The following VPS50 variants were observed in gnomAD, a reference collection of about 807,000 sequenced individuals.
VPS50 encodes syndetin.
VPS50 carries 70 observed loss-of-function variants against 139.7 expected under a neutral mutation model. That is an observed-to-expected ratio of 0.50 (90% CI 0.41 to 0.61). The LOEUF is 0.61. Among genes scored for constraint, VPS50 ranks in the 20% least tolerant of loss-of-function variants. VPS50 has a pLI of 0.00. For synonymous variants in VPS50, 365 were observed against 376.7 expected (o/e 0.97, Z 0.36); for missense variants, 921 against 1,133.7 (o/e 0.81, Z 2.69).
chr7:93,335,779 G>A (rs1408267380), intron 22 of VPS50, among the ~76,000 whole-genome samples: 1 of 151,818 alleles, frequency 6.6e-6, no homozygotes, highest in Non-Finnish European at 1.5e-5. Context: ...AAGATTGATG[G>A]GCCAGATTTT....
At chr7:93,315,717 TATTC>T (rs1797406932) in intron 20 of VPS50, among the ~76,000 whole-genome samples, 1 of 152,224 alleles carries the variant, frequency 6.6e-6, no homozygotes, top group Non-Finnish European at 1.5e-5. Flanking sequence ...GCGAACTACT[TATTC>T]ATATCCACTG....
At chr7:93,246,281 A>AAC (rs373372521) in intron 2 of VPS50, among the ~76,000 whole-genome samples, 35 of 151,010 alleles carry the variant, frequency 2.3e-4, no homozygotes, top group Non-Finnish European at 2.7e-4. Context: ...TTTCCTTCTC[A>AAC]ACACACACAC....
At chr7:93,286,997 T>G (rs568611353) in intron 12 of VPS50, among the ~76,000 whole-genome samples, 2 of 139,710 alleles carry the variant, frequency 1.4e-5, no homozygotes, top group East Asian at 2.1e-4. Context: ...AACGTTGTTT[T>G]TTTTTTTTTT....
intron 21 of VPS50, among the ~76,000 whole-genome samples, chr7:93,328,114 G>GA (rs1454091340): frequency 1.3e-5 from 2 of 152,092 alleles, no homozygotes; most frequent in East Asian, 3.8e-4. Flanking sequence ...TTTTATATCT[G>GA]ATCCATTGGA....
At chr7:93,274,898 GA>G (rs1452285918) in intron 11 of VPS50, among the ~76,000 whole-genome samples, 1 of 152,134 alleles carries the variant, frequency 6.6e-6, no homozygotes, top group Non-Finnish European at 1.5e-5. Context: ...GTGCCATTAA[GA>G]ACATTTGTGA....
At position 93,257,462 on chromosome 7, in the gene VPS50, A is replaced by G; in HGVS notation, c.420A>G (p.Arg140=). 1.9e-6 allele frequency: 3 copies of G among 1,574,950 alleles called. No individual in the cohort carries two copies. Among genetic ancestry groups the G allele is most frequent in the Non-Finnish European group, 2.6e-6 (3 of 1,148,140 alleles). The part of the protein sequence containing the change: ...QLAAVICTNG[R]RHLNIAKEGF... ...CTGCTGTTATCTGTACAAATGGGAG[A>G]AGGTATTGCTTTTGATGATATTTTG... is the stretch of plus-strand genomic sequence containing the variant. Residue 140 remains arginine (R), a splice_region_variant and synonymous_variant, in exon 6 of 28, where the codon AGA becomes AGG. Coordinates refer to ENST00000305866, the MANE Select transcript of VPS50 (RefSeq NM_017667.4).
chr7:93,246,038 G>C, intron 2 of VPS50: 1 of 932,628 alleles, frequency 1.1e-6, no homozygotes. Flanking sequence ...TTCATGTTTT[G>C]TTCTTACTTC....
At chr7:93,298,371 T>C (rs1028173811) in intron 16 of VPS50, among the ~76,000 whole-genome samples, 1 of 152,202 alleles carries the variant, frequency 6.6e-6, no homozygotes, top group Non-Finnish European at 1.5e-5. Flanking sequence ...AACAAAAGGC[T>C]GGCCCTATAA....
intron 9 of VPS50, among the ~76,000 whole-genome samples, chr7:93,270,585 GT>G (rs1308358333): frequency 6.6e-6 from 1 of 151,840 alleles, no homozygotes; most frequent in Non-Finnish European, 1.5e-5. Flanking sequence ...TTTCTGTTCA[GT>G]ATGTATCCAG....
chr7:93,261,535 G>A (rs989906426), intron 9 of VPS50, among the ~76,000 whole-genome samples: 10 of 151,914 alleles, frequency 6.6e-5, no homozygotes, highest in African/African-American at 1.5e-4. Context: ...AAAATTAGCC[G>A]GGCCTGGTGG....
At chr7:93,342,136 G>A (rs553934840) in intron 23 of VPS50, among the ~76,000 whole-genome samples, 23 of 152,338 alleles carry the variant, frequency 1.5e-4, no homozygotes, top group African/African-American at 4.8e-4. Flanking sequence ...TGCATGAGCC[G>A]AAGCAGGGCG....
At chr7:93,254,275 C>T (rs1584391797) in intron 4 of VPS50, among the ~76,000 whole-genome samples, 3 of 152,086 alleles carry the variant, frequency 2.0e-5, no homozygotes, top group African/African-American at 7.2e-5. Context: ...CTGAGTATTC[C>T]TTTTTGTTTT....
At chr7:93,333,965 G>A in intron 21 of VPS50, 152 bp from the exon 22 acceptor site, 3 of 610,650 alleles carry the variant, frequency 4.9e-6, no homozygotes, top group South Asian at 3.7e-5. Context: ...TGACTCCTTT[G>A]TTTGATGTGC....
chr7:93,353,683 G>A lies in VPS50; in HGVS notation c.2507G>A (p.Arg836Lys), dbSNP rs1393256485. ...FNRRLNEVSK[R>K]VRIPLPVSNI... is the part of the protein sequence containing the mutation. ...AGGAGGCTAAATGAAGTTTCTAAGA[G>A]AGTTCGCATACCCTTGCCTGTGTCT... The change falls in exon 26 of 28, where the codon AGA becomes AAA. Residue 836 changes from arginine (R) to lysine (K), a missense_variant. Coordinates refer to ENST00000305866, the MANE Select transcript of VPS50 (RefSeq NM_017667.4). 1 of 1,613,084 alleles carries A rather than the reference G, an allele frequency of 6.2e-7. No individual in the cohort carries two copies. Among genetic ancestry groups the A allele is most frequent in the East Asian group, 2.2e-5 (1 of 44,786 alleles).
rs1226999193 is a variant in VPS50 at position 93,303,561 on chromosome 7, C to A, written c.1452+11C>A. The A allele has an allele frequency of 7.6e-6, 10 of 1,310,858 alleles. No individual in the cohort carries two copies. Among genetic ancestry groups the A allele is most frequent in the Middle Eastern group, 3.8e-4 (2 of 5,326 alleles). The allele number at this position is 1,310,858 out of a possible 1,614,324, so 81.2% of individuals were successfully genotyped here. On this transcript the variant is annotated intron_variant, in intron 17 of 27. Coordinates refer to ENST00000305866, the MANE Select transcript of VPS50 (RefSeq NM_017667.4). Reference sequence around the variant, plus strand: ...ATCTTGCAACTTCATGTAAGTGTTTCTTAAGAACAAAGAAATCTGTCTTTT... The same window carrying A: ...ATCTTGCAACTTCATGTAAGTGTTTATTAAGAACAAAGAAATCTGTCTTTT...
At chr7:93,249,855 G>T (rs1795267590) in intron 2 of VPS50, among the ~76,000 whole-genome samples, 1 of 152,052 alleles carries the variant, frequency 6.6e-6, no homozygotes, top group Admixed American at 6.6e-5. Context: ...TGGATGCATG[G>T]AGGCTGCCTG....
intron 9 of VPS50, among the ~76,000 whole-genome samples, chr7:93,269,818 A>G (rs1430731913): frequency 2.0e-5 from 3 of 151,974 alleles, no homozygotes; most frequent in African/African-American, 7.2e-5. Flanking sequence ...GTTTTGATTT[A>G]TTTTTCCCCT....
intron 15 of VPS50, 133 bp downstream of exon 15, chr7:93,296,969 T>G (rs1796829677): frequency 7.0e-7 from 1 of 1,434,838 alleles, no homozygotes; most frequent in Non-Finnish European, 9.1e-7. Context: ...TGTGAGTGTA[T>G]TTAAATATTT....
intron 22 of VPS50, among the ~76,000 whole-genome samples, chr7:93,337,470 A>G (rs960659963): frequency 2.0e-5 from 3 of 152,184 alleles, no homozygotes; most frequent in African/African-American, 7.2e-5. Flanking sequence ...TTCTATCCCT[A>G]ATTAACTAGT....
Sources: allele counts gnomAD v4.1 joint callset (sites outside exome capture counted in the v4.1 genomes callset), GRCh38; gene constraint gnomAD v4.1.1; transcripts MANE v1.5; gene names NCBI Gene and HGNC (gene_info 2026-07-23, HGNC 2026-07-21).